The following LGMN variants were observed in gnomAD, a reference collection of about 807,000 sequenced individuals.
LGMN encodes the protein legumain, also known as asparaginyl endopeptidase.
Under a neutral mutation model 56.8 loss-of-function variants are expected in LGMN, and 36 were observed. The ratio of observed to expected loss-of-function variants is 0.63; its 90% CI spans 0.49 to 0.84. LGMN has a LOEUF of 0.84. LGMN is among the 40% of genes least tolerant of loss of function. The probability of loss-of-function intolerance (pLI) is 0.00; values close to 1 mark genes in which losing one functional copy is unlikely to be tolerated. For synonymous variants in LGMN, 199 were observed against 210.1 expected (o/e 0.95, Z 0.46); for missense variants, 446 against 556.1 (o/e 0.80, Z 1.99).
At chr14:92,710,552 T>C (rs1889707487) in intron 10 of LGMN, among the ~76,000 whole-genome samples, 1 of 152,204 alleles carries the variant, frequency 6.6e-6, no homozygotes, top group African/African-American at 2.4e-5. Flanking sequence ...GAAGGGAAAA[T>C]GCTGCAAGCG....
intron 1 of LGMN, among the ~76,000 whole-genome samples, chr14:92,738,974 G>A (rs1285052447): frequency 2.0e-5 from 3 of 148,140 alleles, no homozygotes; most frequent in Admixed American, 6.8e-5. Flanking sequence ...AGCCAAGATC[G>A]CACCACTGCA....
At chr14:92,732,085 G>C (rs1401314340) in intron 2 of LGMN, among the ~76,000 whole-genome samples, 2 of 152,208 alleles carry the variant, frequency 1.3e-5, no homozygotes, top group African/African-American at 2.4e-5. Flanking sequence ...CCTCAGTCCT[G>C]TCTGGTCCCC....
At chr14:92,708,562 G>A (rs1361425446) in intron 11 of LGMN, among the ~76,000 whole-genome samples, 3 of 152,132 alleles carry the variant, frequency 2.0e-5, no homozygotes, top group African/African-American at 7.2e-5. Flanking sequence ...ACCAATTTTG[G>A]AGATAACTAG....
In LGMN at chr14:92,706,570, G is replaced by A. The variant is rs756003704; in HGVS notation, c.1104C>T (p.Ser368=). 21 of 1,604,938 alleles carry A rather than the reference G, an allele frequency of 1.3e-5. No homozygotes were observed. Among genetic ancestry groups the A allele is most frequent in the East Asian group, 2.2e-5 (1 of 44,772 alleles). Residue 368 remains serine (S), a synonymous_variant, in exon 12 of 14, where the codon TCC becomes TCT. Coordinates refer to ENST00000334869, the MANE Select transcript of LGMN (RefSeq NM_005606.7). Reference sequence around the variant, plus strand: ...TGTGCCCCGTGAGCGGGGCTCTCTCGGACAGGAGCTGCTCCACCTCAGCCT... The same window carrying A: ...TGTGCCCCGTGAGCGGGGCTCTCTCAGACAGGAGCTGCTCCACCTCAGCCT... ...ASEAEVEQLL[S]ERAPLTGHSC...
Position 92,704,662 on chromosome 14 carries a change from C to T in LGMN, c.1237G>A (p.Glu413Lys). ...TACCTGTGAAGCGGATACGGCTTCT[C>T]ACAAAGGTTGACCAGCACGTACAAA... The part of the protein sequence containing the change: ...RHLYVLVNLC[E>K]KPYPLHRIKL... Residue 413 changes from glutamate (E) to lysine (K), a missense_variant, in exon 13 of 14, where the codon GAG becomes AAG. Physicochemically the swap from Glu to Lys is moderately conservative, Grantham distance 56. Transcript: ENST00000334869. The T allele has an allele frequency of 2.5e-6, 4 of 1,613,624 alleles. No homozygotes were observed. Among genetic ancestry groups the T allele is most frequent in the Non-Finnish European group, 3.4e-6 (4 of 1,179,506 alleles).
chr14:92,739,314 A>G (rs1891445737), intron 1 of LGMN, among the ~76,000 whole-genome samples: 1 of 152,214 alleles, frequency 6.6e-6, no homozygotes, highest in Non-Finnish European at 1.5e-5. Context: ...GACGCCGGCT[A>G]AACTACTCAT....
At chr14:92,716,423 A>G (rs1890082181) in intron 4 of LGMN, among the ~76,000 whole-genome samples, 1 of 152,232 alleles carries the variant, frequency 6.6e-6, no homozygotes, top group African/African-American at 2.4e-5. Flanking sequence ...ACTTGAGGTC[A>G]GGAGTTCAAG....
intron 2 of LGMN, among the ~76,000 whole-genome samples, chr14:92,727,971 G>A (rs182613498): frequency 4.1e-4 from 63 of 152,306 alleles, no homozygotes; most frequent in African/African-American, 1.4e-3. Flanking sequence ...AAATTCTGCC[G>A]TGTTTGCCAC....
chr14:92,733,722 G>T (rs909387175), intron 1 of LGMN: 3 of 152,226 alleles, frequency 2.0e-5, no homozygotes, highest in Admixed American at 6.5e-5. Context: ...CAGGAGAATT[G>T]CCTGAAACCG....
chr14:92,729,019 T>C (rs1244592965), intron 2 of LGMN, among the ~76,000 whole-genome samples: 1 of 151,938 alleles, frequency 6.6e-6, no homozygotes, highest in African/African-American at 2.4e-5. Flanking sequence ...GTGACATGCA[T>C]CGCCAGCACC....
At chr14:92,738,111 T>C (rs913680086) in intron 1 of LGMN, among the ~76,000 whole-genome samples, 1 of 152,156 alleles carries the variant, frequency 6.6e-6, no homozygotes, top group Non-Finnish European at 1.5e-5. Context: ...TTGACCTGAC[T>C]GTGAACAACA....
intron 2 of LGMN, among the ~76,000 whole-genome samples, chr14:92,726,892 T>C (rs1890767903): frequency 6.6e-6 from 1 of 152,188 alleles, no homozygotes; most frequent in Non-Finnish European, 1.5e-5. Context: ...AGGAACTGAC[T>C]GACTTGAACA....
At chr14:92,725,376 TC>T (rs1890689803) in intron 2 of LGMN, among the ~76,000 whole-genome samples, 1 of 151,750 alleles carries the variant, frequency 6.6e-6, no homozygotes. Context: ...TAGCAAGACT[TC>T]ATCTCTATAA....
chr14:92,727,395 A>ACTCCAGC (rs1366382010), intron 2 of LGMN, among the ~76,000 whole-genome samples: 3 of 139,000 alleles, frequency 2.2e-5, no homozygotes, highest in Non-Finnish European at 4.5e-5. Context: ...GCACCACTAC[A>ACTCCAGC]CTCCAGCCTG....
chr14:92,717,988 T>C (rs1388776853), intron 3 of LGMN, among the ~76,000 whole-genome samples: 1 of 152,194 alleles, frequency 6.6e-6, no homozygotes, highest in Non-Finnish European at 1.5e-5. Flanking sequence ...CTCTGATCTC[T>C]GCAAGAAATC....
At chr14:92,737,929 C>G (rs937882289) in intron 1 of LGMN, among the ~76,000 whole-genome samples, 1 of 152,208 alleles carries the variant, frequency 6.6e-6, no homozygotes, top group African/African-American at 2.4e-5. Context: ...CTGTTACTGT[C>G]ATCTTTTATC....
intron 1 of LGMN, among the ~76,000 whole-genome samples, chr14:92,747,945 G>A (rs1891891579): frequency 6.6e-6 from 1 of 152,148 alleles, no homozygotes. Context: ...TTCCAAGATT[G>A]AAGCGGGTGG....
At chr14:92,730,000 G>T (rs1231032504) in intron 2 of LGMN, among the ~76,000 whole-genome samples, 2 of 152,208 alleles carry the variant, frequency 1.3e-5, no homozygotes, top group African/African-American at 4.8e-5. Flanking sequence ...AAACAAAAAG[G>T]TTTCTGGGAG....
Position 92,714,586 on chromosome 14 carries a change from A to C in LGMN, c.405-135T>G. 1 of 641,410 alleles carries C rather than the reference A, an allele frequency of 1.6e-6. No individual in the cohort carries two copies. The highest frequency in any genetic ancestry group is 2.7e-6 in the Non-Finnish European group (1 of 365,262). 39.7% of individuals were successfully genotyped at this position (641,410 alleles called of 1,614,324 possible). ...CCAACCAGGTTTGAAGATGAACACA[A>C]GGGCCCGGTGCCCGGTGTCTGGCCT... On this transcript the variant is annotated intron_variant, in intron 5 of 13. Coordinates refer to ENST00000334869, the MANE Select transcript of LGMN (RefSeq NM_005606.7). The surrounding 1 kb of genome is among the most constrained non-coding windows in gnomAD (Gnocchi z 5.1).
Sources: allele counts gnomAD v4.1 joint callset (sites outside exome capture counted in the v4.1 genomes callset), GRCh38; gene constraint gnomAD v4.1.1; non-coding constraint Gnocchi (gnomAD v3.1); transcripts MANE v1.5; gene names NCBI Gene and HGNC (gene_info 2026-07-23, HGNC 2026-07-21).